CREBBP: variants seen among roughly 807,000 people sequenced by gnomAD.
CREBBP encodes the protein CREB binding lysine acetyltransferase.
In CREBBP, 19 loss-of-function variants were observed where a neutral mutation model predicts 265.0. The ratio of observed to expected loss-of-function variants is 0.07; its 90% confidence interval spans 0.05 to 0.11. The LOEUF (loss-of-function observed/expected upper bound fraction) is 0.11. Ranked by LOEUF, CREBBP falls within the 10% of genes least tolerant of loss-of-function variation. CREBBP has a pLI of 1.00. For missense variants in CREBBP, 2,525 were observed against 3,219.0 expected (o/e 0.78, Z 5.22); for synonymous variants, 1,457 against 1,223.7 (o/e 1.19, Z -3.98).
chr16:3,767,764 C>T lies in CREBBP; in HGVS notation c.3206G>A (p.Gly1069Asp), dbSNP rs746263232. 2.5e-6 allele frequency: 4 copies of T among 1,614,186 alleles called. No homozygotes were observed. The highest frequency in any genetic ancestry group is 1.3e-5 in the African/African-American group (1 of 75,028). ...VKEEEESSSN[G>D]TASQSTSPSQ... ...AGGAGATGTTGACTGAGAGGCTGTG[C>T]CGTTACTGCTACTCTCTTCTTCCTC... Residue 1069 changes from glycine to aspartate, a missense_variant, in exon 16 of 31, where the codon GGC (glycine) becomes GAC (aspartate). Physicochemically the swap from Gly to Asp is moderately conservative, Grantham distance 94 (BLOSUM62 -1). Around this residue, in one of 19 missense-constraint regions of CREBBP, gnomAD observed 548 missense variants for 533.0 expected, o/e 1.03. Transcript: ENST00000262367.
rs911816172 is a variant in CREBBP, at chr16:3,726,216, C to T, written c.*1502G>A. 2 of 231,910 alleles carry T rather than the reference C, an allele frequency of 8.6e-6. No individual in the cohort carries two copies. Among genetic ancestry groups the T allele is most frequent in the African/African-American group, 4.5e-5 (2 of 44,862 alleles). The allele number at this position is 231,910 out of a possible 1,614,324, so 14.4% of individuals were successfully genotyped here. On this transcript the variant is annotated 3_prime_UTR_variant, in exon 31 of 31. Transcript: ENST00000262367. ...CCTCGCGAGCCTGGAGCACTCTCTG[C>T]CTCAGATTCTGGGAGTCGTGTACGG...
At chr16:3,810,025 A>C (rs958259451) in intron 3 of CREBBP, among the ~76,000 whole-genome samples, 16 of 152,170 alleles carry the variant, frequency 1.1e-4, no homozygotes, top group Non-Finnish European at 1.9e-4. Flanking sequence ...TTGGTGGTGC[A>C]AAAGGAGATA....
intron 2 of CREBBP, among the ~76,000 whole-genome samples, chr16:3,832,782 T>G (rs753184922): frequency 2.6e-5 from 4 of 152,072 alleles, no homozygotes; most frequent in African/African-American, 4.8e-5. Flanking sequence ...AATATTTTAA[T>G]AAATCTGATC....
rs1442302909 is a variant in CREBBP, at chr16:3,728,848, G to C, written c.6199C>G (p.Leu2067Val). The change falls in exon 31 of 31, where the codon CTG (leucine) becomes GTG (valine). Residue 2067 changes from leucine (L) to valine (V), a missense_variant. By Grantham distance (32) the Leu-to-Val change is conservative (BLOSUM62 1). Coordinates refer to ENST00000262367, the MANE Select transcript of CREBBP (RefSeq NM_004380.3). This position sits in a 1 kb window ranked among gnomAD's most constrained non-coding sequence, Gnocchi z 8.7. ...QPPRSISPSALQDLLRTLKSP... is the reference protein window; with the variant it reads ...QPPRSISPSAVQDLLRTLKSP... ...TTCAGGGTCCGCAGCAGGTCTTGCA[G>C]AGCGCTGGGTGAGATGCTCCTGGGT... 1 of 1,613,302 alleles carries C rather than the reference G, an allele frequency of 6.2e-7. No individual in the cohort carries two copies. The highest frequency in any genetic ancestry group is 8.5e-7 in the Non-Finnish European group (1 of 1,179,954).
At chr16:3,804,115 G>C (rs112224437) in intron 3 of CREBBP, among the ~76,000 whole-genome samples, 4 of 151,536 alleles carry the variant, frequency 2.6e-5, no homozygotes, top group African/African-American at 9.7e-5. Flanking sequence ...ACCAACCAAA[G>C]AAACAACAAA....
chr16:3,848,573 T>C (rs1268511282), intron 2 of CREBBP, among the ~76,000 whole-genome samples: 1 of 152,208 alleles, frequency 6.6e-6, no homozygotes, highest in Non-Finnish European at 1.5e-5. Flanking sequence ...ACTGCACATG[T>C]TAAAGAAATC....
At chr16:3,761,345 A>G (rs1464651058) in intron 16 of CREBBP, among the ~76,000 whole-genome samples, 2 of 152,206 alleles carry the variant, frequency 1.3e-5, no homozygotes, top group Non-Finnish European at 2.9e-5. Context: ...TCCAGTTGGG[A>G]AGCGGCAAGC....
chr16:3,734,981 T>C (rs182654298), intron 28 of CREBBP, among the ~76,000 whole-genome samples: 1 of 152,232 alleles, frequency 6.6e-6, no homozygotes, highest in African/African-American at 2.4e-5. Flanking sequence ...CACAATCGCC[T>C]GTCCCAAGTT....
At chr16:3,813,276 C>T (rs1187629600) in intron 2 of CREBBP, among the ~76,000 whole-genome samples, 1 of 152,200 alleles carries the variant, frequency 6.6e-6, no homozygotes, top group Non-Finnish European at 1.5e-5. Context: ...CCACTAGGTG[C>T]TCTACTTAAG....
intron 2 of CREBBP, among the ~76,000 whole-genome samples, chr16:3,815,937 A>G (rs146727252): frequency 6.6e-6 from 1 of 152,144 alleles, no homozygotes; most frequent in African/African-American, 2.4e-5. Flanking sequence ...AAATAAAATT[A>G]AAAAAGCAGA....
chr16:3,730,475 T>C, intron 30 of CREBBP: 1 of 159,158 alleles, frequency 6.3e-6, no homozygotes, highest in Non-Finnish European at 1.4e-5. Flanking sequence ...TGCTCGCACC[T>C]GGCAACCTGA....
intron 2 of CREBBP, among the ~76,000 whole-genome samples, chr16:3,835,731 C>A (rs1028102154): frequency 6.6e-6 from 1 of 151,816 alleles, no homozygotes; most frequent in African/African-American, 2.4e-5. Flanking sequence ...AGGCGCCTGG[C>A]ACCACACCTG....
chr16:3,780,480 T>C (rs377392138), intron 8 of CREBBP, among the ~76,000 whole-genome samples: 6 of 152,136 alleles, frequency 3.9e-5, no homozygotes, highest in African/African-American at 1.4e-4. Context: ...GCCTCGGTGA[T>C]AGGGGCTGCA....
chr16:3,732,978 G>C (rs560861031), intron 28 of CREBBP, among the ~76,000 whole-genome samples: 2 of 152,186 alleles, frequency 1.3e-5, no homozygotes, highest in African/African-American at 4.8e-5. Flanking sequence ...GAGATTACAG[G>C]CATGAGCCAC....
At chr16:3,737,295 T>C (rs1290976114) in intron 26 of CREBBP, among the ~76,000 whole-genome samples, 1 of 149,140 alleles carries the variant, frequency 6.7e-6, no homozygotes, top group East Asian at 2.0e-4. Context: ...AACCAAGGGC[T>C]AGAGAAGGAA....
chr16:3,849,343 C>CCCAGT (rs988838351), intron 2 of CREBBP, among the ~76,000 whole-genome samples: 1 of 150,634 alleles, frequency 6.6e-6, no homozygotes, highest in African/African-American at 2.5e-5. Flanking sequence ...GGCTGCAAAT[C>CCCAGT]CCAGTCCAGG....
chr16:3,751,843 C>T, intron 19 of CREBBP, 37 bp from the exon 20 acceptor site: 1 of 1,598,690 alleles, frequency 6.3e-7, no homozygotes. Context: ...TGAACTGGTC[C>T]ATCATAACAC....
chr16:3,726,649 T>C lies in CREBBP; in HGVS notation c.*1069A>G, dbSNP rs1245968449. The C allele has an allele frequency of 4.3e-6, 1 of 233,582 alleles. No homozygotes were observed. The highest frequency in any genetic ancestry group is 8.5e-6 in the Non-Finnish European group (1 of 118,052). The allele number at this position is 233,582 out of a possible 1,614,324, so 14.5% of individuals were successfully genotyped here. On this transcript the variant is annotated 3_prime_UTR_variant, in exon 31 of 31. Coordinates refer to ENST00000262367, the MANE Select transcript of CREBBP (RefSeq NM_004380.3). Reference sequence around the variant, plus strand: ...CAGGGATCTTAAAGAACAGAATACATGTTAAAAACCTCAGTAATTTATATC... The same window carrying C: ...CAGGGATCTTAAAGAACAGAATACACGTTAAAAACCTCAGTAATTTATATC...
chr16:3,807,584 C>T lies in CREBBP; in HGVS notation c.975+3019G>A, dbSNP rs568449513. The stretch of plus-strand genomic sequence containing the variant: ...GTAAGCACGGGCTGGTGAAGCATTC[C>T]CGGCAGGCTCAGGGCTGCAAAAACA... On this transcript the variant is annotated intron_variant, in intron 3 of 30. Transcript: ENST00000262367. 1.1e-4 allele frequency among the ~76,000 whole-genome samples: 17 copies of T among 152,228 alleles called. No individual in the cohort carries two copies. The South Asian group carries it at 3.3e-3, about 30-fold the overall frequency.
Sources: allele counts gnomAD v4.1 joint callset (sites outside exome capture counted in the v4.1 genomes callset), GRCh38; gene constraint gnomAD v4.1.1; regional missense constraint gnomAD v4.1.1; non-coding constraint Gnocchi (gnomAD v3.1); transcripts MANE v1.5; gene names NCBI Gene and HGNC (gene_info 2026-07-23, HGNC 2026-07-21).